NALF1: variants seen among roughly 807,000 people sequenced by gnomAD.
The protein encoded by NALF1 is family with sequence similarity 155 member A.
NALF1 carries 3 observed loss-of-function variants against 48.4 expected under a neutral mutation model. That is an observed-to-expected ratio of 0.06 (90% CI 0.03 to 0.16). The LOEUF is 0.16. NALF1 is among the 10% of genes least tolerant of loss of function. NALF1 has a pLI of 1.00. For missense variants in NALF1, 526 were observed against 571.5 expected, an observed-to-expected ratio of 0.92 and a Z score of 0.81; for synonymous variants, 262 against 245.7, an observed-to-expected ratio of 1.07 and a Z score of -0.62.
At chr13:107,619,367 C>T (rs546146239) in intron 1 of NALF1, among the ~76,000 whole-genome samples, 4 of 152,160 alleles carry the variant, frequency 2.6e-5, no homozygotes, top group African/African-American at 9.7e-5. Flanking sequence ...TTGTGAGAAT[C>T]AGCCTTTTGA....
rs994476232 is a variant in NALF1 at position 107,467,875 on chromosome 13, C to CA, written c.916-257121dup. Among the ~76,000 whole-genome samples the CA allele has an allele frequency of 7.9e-5, 12 of 151,836 alleles. No homozygotes were observed. In the East Asian group the frequency reaches 2.1e-3, roughly 27 times the overall value. ...CTAACATGGTGAAACCCCATCTCTA[C>CA]AAAAAAATAAATAAATAAAAAAATT... is the stretch of plus-strand genomic sequence containing the variant. On this transcript the variant is annotated intron_variant, in intron 1 of 2. Coordinates refer to ENST00000375915, the MANE Select transcript of NALF1 (RefSeq NM_001080396.3).
Position 107,866,136 on chromosome 13 carries a change from T to C in NALF1, c.461A>G (p.Lys154Arg), listed in dbSNP as rs564181506. 2.5e-6 allele frequency: 4 copies of C among 1,611,776 alleles called. No individual in the cohort carries two copies. The African/African-American group carries it at 5.3e-5, about 22-fold the overall frequency. ...GGCAGAGTTTCCTAGAAAAAGAGCC[T>C]TGCCCCGGTCGTCTTTGCCTCGGTT... ...KGNRGKDDRGKALFLGNSAKP... is the reference protein window; with the variant it reads ...KGNRGKDDRGRALFLGNSAKP... The change falls in exon 1 of 3, where the codon AAG becomes AGG. Residue 154 changes from lysine to arginine, a missense_variant. Coordinates refer to ENST00000375915, the MANE Select transcript of NALF1 (RefSeq NM_001080396.3). The surrounding 1 kb of genome is among the most constrained non-coding windows in gnomAD (Gnocchi z 4.4).
intron 1 of NALF1, among the ~76,000 whole-genome samples, chr13:107,231,817 T>C (rs1469979748): frequency 6.6e-6 from 1 of 152,232 alleles, no homozygotes; most frequent in African/African-American, 2.4e-5. Flanking sequence ...AAAATGCTAG[T>C]TGCCCTTTAG....
chr13:107,447,242 C>G (rs1884665662), intron 1 of NALF1, among the ~76,000 whole-genome samples: 1 of 151,974 alleles, frequency 6.6e-6, no homozygotes, highest in African/African-American at 2.4e-5. Flanking sequence ...TTCCCCTTCT[C>G]CTTCTTCTTT....
At chr13:107,703,317 G>A (rs1881869416) in intron 1 of NALF1, among the ~76,000 whole-genome samples, 1 of 146,782 alleles carries the variant, frequency 6.8e-6, no homozygotes, top group African/African-American at 2.5e-5. Flanking sequence ...AACAAATTTT[G>A]TTTTCCTTAG....
At chr13:107,255,816 G>A (rs952260197) in intron 1 of NALF1, among the ~76,000 whole-genome samples, 3 of 152,062 alleles carry the variant, frequency 2.0e-5, no homozygotes, top group Non-Finnish European at 4.4e-5. Flanking sequence ...ACTCAGTTTT[G>A]TCTGTTCTGA....
In NALF1 at chr13:107,604,193, C is replaced by T. The variant is rs9559090; in HGVS notation, c.915+261489G>A. 0.022 allele frequency among the ~76,000 whole-genome samples: 3,367 copies of T among 152,278 alleles called. 215 individuals are homozygous for T. The East Asian group carries it at 0.26, about 12-fold the overall frequency. ...ATCAGAAATGATGTACTCCTTATAA[C>T]TGCATTCTTGCCAATAATCGTTTCC... On this transcript the variant is annotated intron_variant, in intron 1 of 2. Transcript: ENST00000375915.
At chr13:107,576,473 A>G (rs1566400296) in intron 1 of NALF1, among the ~76,000 whole-genome samples, 1 of 152,250 alleles carries the variant, frequency 6.6e-6, no homozygotes, top group Non-Finnish European at 1.5e-5. Flanking sequence ...GAAACCACAG[A>G]TAAATAAATC....
chr13:107,320,093 C>T (rs1188360534), intron 1 of NALF1, among the ~76,000 whole-genome samples: 1 of 152,012 alleles, frequency 6.6e-6, no homozygotes, highest in Non-Finnish European at 1.5e-5. Context: ...AAGAGATGTT[C>T]TAGAAAAGGT....
intron 1 of NALF1, among the ~76,000 whole-genome samples, chr13:107,438,297 C>A (rs1312773245): frequency 6.6e-6 from 1 of 152,076 alleles, no homozygotes; most frequent in East Asian, 1.9e-4. Flanking sequence ...AAAATGTATA[C>A]TATTTATTTT....
At chr13:107,487,314 C>A (rs1209189062) in intron 1 of NALF1, among the ~76,000 whole-genome samples, 1 of 152,114 alleles carries the variant, frequency 6.6e-6, no homozygotes, top group African/African-American at 2.4e-5. Flanking sequence ...TATCACTTGG[C>A]AAACAACTTT....
chr13:107,340,110 C>T (rs559179360), intron 1 of NALF1, among the ~76,000 whole-genome samples: 46 of 151,912 alleles, frequency 3.0e-4, no homozygotes, highest in African/African-American at 1.1e-3. Flanking sequence ...GTCTCATGCT[C>T]AACTGTTATT....
chr13:107,445,977 TCGTC>T (rs1884643431), intron 1 of NALF1, among the ~76,000 whole-genome samples: 1 of 152,124 alleles, frequency 6.6e-6, no homozygotes, highest in Admixed American at 6.5e-5. Flanking sequence ...TCTCGCTTTG[TCGTC>T]AGGCTGGAGT....
chr13:107,534,100 G>A (rs910514260), intron 1 of NALF1, among the ~76,000 whole-genome samples: 1 of 152,048 alleles, frequency 6.6e-6, no homozygotes, highest in Admixed American at 6.5e-5. Context: ...TTGGCCCAGT[G>A]GCATCAGCAT....
intron 1 of NALF1, among the ~76,000 whole-genome samples, chr13:107,439,001 T>C (rs1013351958): frequency 6.6e-6 from 1 of 151,948 alleles, no homozygotes. Context: ...AGAAATGTCA[T>C]GTATTAGAAA....
chr13:107,220,799 C>T (rs1879975906), intron 1 of NALF1, among the ~76,000 whole-genome samples: 1 of 151,576 alleles, frequency 6.6e-6, no homozygotes, highest in Non-Finnish European at 1.5e-5. Flanking sequence ...AAGAGGACGG[C>T]ATGTGAGGGA....
At chr13:107,613,180 C>T (rs997746528) in intron 1 of NALF1, among the ~76,000 whole-genome samples, 2 of 152,138 alleles carry the variant, frequency 1.3e-5, no homozygotes, top group African/African-American at 4.8e-5. Context: ...CTCACAGACA[C>T]TAACTTTGGA....
chr13:107,498,041 CTAATAACGTGAT>C (rs2139075283), intron 1 of NALF1, among the ~76,000 whole-genome samples: 1 of 125,206 alleles, frequency 8.0e-6, no homozygotes, highest in East Asian at 2.4e-4. Flanking sequence ...TCAGATGAAG[CTAATAACGTGAT>C]ATTTTATTAG....
At chr13:107,627,756 C>T (rs1451523542) in intron 1 of NALF1, among the ~76,000 whole-genome samples, 4 of 152,048 alleles carry the variant, frequency 2.6e-5, no homozygotes, top group Non-Finnish European at 5.9e-5. Flanking sequence ...GAAATATCAG[C>T]AGTCTGCTTT....
Sources: allele counts gnomAD v4.1 joint callset (sites outside exome capture counted in the v4.1 genomes callset), GRCh38; gene constraint gnomAD v4.1.1; non-coding constraint Gnocchi (gnomAD v3.1); transcripts MANE v1.5; gene names NCBI Gene and HGNC (gene_info 2026-07-23, HGNC 2026-07-21).